The following GRM8 variants were observed in gnomAD, a reference collection of about 807,000 sequenced individuals.
GRM8 encodes metabotropic glutamate receptor 8.
In GRM8, 47 loss-of-function variants were observed where a neutral mutation model predicts 87.2. That is an observed-to-expected ratio of 0.54 (90% CI 0.43 to 0.69). GRM8 has a LOEUF of 0.69. GRM8 is among the 30% of genes least tolerant of loss of function. The probability of loss-of-function intolerance (pLI) is 0.00; values close to 1 mark genes in which losing one functional copy is unlikely to be tolerated. For missense variants in GRM8, 1,019 were observed against 1,139.2 expected, an observed-to-expected ratio of 0.89 and a Z score of 1.52; for synonymous variants, 396 against 404.5, an observed-to-expected ratio of 0.98 and a Z score of 0.25.
intron 3 of GRM8, among the ~76,000 whole-genome samples, chr7:127,010,248 A>G (rs928833388): frequency 6.6e-6 from 1 of 152,206 alleles, no homozygotes; most frequent in African/African-American, 2.4e-5. Flanking sequence ...GCCAATATTT[A>G]ATAATGTCAT....
intron 3 of GRM8, among the ~76,000 whole-genome samples, chr7:127,083,643 TAACAACAACAAC>T (rs201752890): frequency 6.6e-6 from 1 of 150,962 alleles, no homozygotes; most frequent in African/African-American, 2.4e-5. Flanking sequence ...GCATCCTACC[TAACAACAACAAC>T]AACAACAAAA....
chr7:126,514,836 A>G (rs1759552598), intron 9 of GRM8, among the ~76,000 whole-genome samples: 1 of 152,056 alleles, frequency 6.6e-6, no homozygotes, highest in South Asian at 2.1e-4. Flanking sequence ...ATATTTCTGT[A>G]TCAACCAAAT....
intron 7 of GRM8, among the ~76,000 whole-genome samples, chr7:126,664,789 A>G (rs1378628230): frequency 6.6e-6 from 1 of 152,158 alleles, no homozygotes; most frequent in Non-Finnish European, 1.5e-5. Flanking sequence ...TAATTCAACT[A>G]AAGACCCTCT....
At chr7:127,195,028 T>A (rs1339649225) in intron 2 of GRM8, among the ~76,000 whole-genome samples, 1 of 152,162 alleles carries the variant, frequency 6.6e-6, no homozygotes, top group African/African-American at 2.4e-5. Context: ...CAAATAGTGA[T>A]CTTATTATAG....
At chr7:126,610,588 T>G (rs1235706372) in intron 7 of GRM8, among the ~76,000 whole-genome samples, 1 of 152,188 alleles carries the variant, frequency 6.6e-6, no homozygotes, top group Non-Finnish European at 1.5e-5. Context: ...CTGTACATAT[T>G]CCCATCTTAT....
At chr7:126,682,689 T>C (rs1807731725) in intron 7 of GRM8, among the ~76,000 whole-genome samples, 1 of 152,194 alleles carries the variant, frequency 6.6e-6, no homozygotes, top group Admixed American at 6.5e-5. Flanking sequence ...AACAGAAAAG[T>C]TCAGTAGTTG....
chr7:127,013,007 G>A (rs1251528751), intron 3 of GRM8, among the ~76,000 whole-genome samples: 2 of 152,154 alleles, frequency 1.3e-5, no homozygotes, highest in Non-Finnish European at 2.9e-5. Flanking sequence ...GGTCATTGAG[G>A]TCATTGCTAA....
intron 2 of GRM8, among the ~76,000 whole-genome samples, chr7:127,159,723 A>ATG (rs1792975264): frequency 2.0e-5 from 3 of 152,214 alleles, no homozygotes; most frequent in Non-Finnish European, 4.4e-5. Context: ...TGTATACAGC[A>ATG]CCATGAAGCT....
chr7:126,732,017 C>T (rs923731433), intron 7 of GRM8, among the ~76,000 whole-genome samples: 3 of 151,912 alleles, frequency 2.0e-5, no homozygotes, highest in Non-Finnish European at 4.4e-5. Context: ...GGGGTAAAAA[C>T]TGGAATATGG....
chr7:126,678,834 C>G (rs774125635), intron 7 of GRM8, among the ~76,000 whole-genome samples: 2 of 152,084 alleles, frequency 1.3e-5, no homozygotes, highest in East Asian at 3.8e-4. Context: ...ATTAAGCACT[C>G]GGTCCTCTCT....
intron 7 of GRM8, among the ~76,000 whole-genome samples, chr7:126,690,102 G>A (rs1342027078): frequency 6.6e-6 from 1 of 152,138 alleles, no homozygotes; most frequent in East Asian, 1.9e-4. Flanking sequence ...TATTCCTACT[G>A]CTACTAGTGT....
At chr7:127,003,652 G>A (rs1481992295) in intron 3 of GRM8, among the ~76,000 whole-genome samples, 1 of 151,734 alleles carries the variant, frequency 6.6e-6, no homozygotes, top group Non-Finnish European at 1.5e-5. Flanking sequence ...AGTTAATGAA[G>A]AGGTAACACG....
intron 1 of GRM8, chr7:127,250,999 G>A (rs1393935563): frequency 6.6e-6 from 1 of 152,156 alleles, no homozygotes; most frequent in Admixed American, 6.5e-5. Context: ...TTCAATCGCG[G>A]TAGTAGCCCA....
At chr7:126,616,223 A>G (rs2151122609) in intron 7 of GRM8, among the ~76,000 whole-genome samples, 1 of 152,298 alleles carries the variant, frequency 6.6e-6, no homozygotes, top group Admixed American at 6.5e-5. Context: ...TAAGAATCTC[A>G]CTCAAAACTG....
At chr7:126,800,307 T>G (rs1177854800) in intron 6 of GRM8, among the ~76,000 whole-genome samples, 1 of 152,078 alleles carries the variant, frequency 6.6e-6, no homozygotes, top group Non-Finnish European at 1.5e-5. Context: ...CCTAATGCAG[T>G]CTACGCTCCC....
intron 3 of GRM8, among the ~76,000 whole-genome samples, chr7:126,920,511 G>C (rs562313256): frequency 2.6e-3 from 392 of 152,272 alleles, no homozygotes; most frequent in Non-Finnish European, 4.5e-3. Context: ...TGGGGCTGGG[G>C]ATGAGGCCAA....
At chr7:127,071,481 G>T (rs1821682623) in intron 3 of GRM8, among the ~76,000 whole-genome samples, 1 of 152,246 alleles carries the variant, frequency 6.6e-6, no homozygotes, top group South Asian at 2.1e-4. Context: ...GCATGAAGGT[G>T]AACAGACATT....
chr7:127,205,002 C>T (rs867347982), intron 2 of GRM8, among the ~76,000 whole-genome samples: 2 of 152,228 alleles, frequency 1.3e-5, no homozygotes, highest in African/African-American at 4.8e-5. Context: ...AGCGGTCACA[C>T]AGGCAGTACC....
chr7:127,091,406 TC>T, intron 3 of GRM8, among the ~76,000 whole-genome samples: 1 of 31,880 alleles, frequency 3.1e-5, no homozygotes, highest in South Asian at 1.4e-3. Flanking sequence ...CCCACCACCA[TC>T]CCCGTCTCAC....
Sources: gnomAD v4.1 joint callset for allele counts (sites outside exome capture counted in the v4.1 genomes callset) on GRCh38, gnomAD v4.1.1 for gene constraint, MANE v1.5 for transcripts, NCBI Gene and HGNC (gene_info 2026-07-23, HGNC 2026-07-21) for gene names.